The following XKR6 variants were observed in gnomAD, a reference collection of about 807,000 sequenced individuals.
The protein encoded by XKR6 is XK related 6, also known as XK-related protein 6.
Under a neutral mutation model 56.7 loss-of-function variants are expected in XKR6, and 22 were observed. The observed-to-expected ratio is 0.39, with a 90% confidence interval of 0.28 to 0.55. XKR6 has a LOEUF of 0.55. Among genes scored for constraint, XKR6 ranks in the 20% least tolerant of loss-of-function variants. The probability of loss-of-function intolerance (pLI) is 0.66; values close to 1 mark genes in which losing one functional copy is unlikely to be tolerated. For synonymous variants in XKR6, 524 were observed against 387.8 expected (o/e 1.35, Z -4.13); for missense variants, 852 against 889.0 (o/e 0.96, Z 0.53).
At chr8:11,123,695 T>C (rs1261502814) in intron 1 of XKR6, 1 of 363,132 alleles carries the variant, frequency 2.8e-6, no homozygotes, top group African/African-American at 2.1e-5. Flanking sequence ...CTATATTTCA[T>C]ATTTTTCAAG....
At chr8:11,094,574 G>A (rs1460705380) in intron 1 of XKR6, among the ~76,000 whole-genome samples, 1 of 152,106 alleles carries the variant, frequency 6.6e-6, no homozygotes, top group East Asian at 1.9e-4. Flanking sequence ...GACTTCTCCT[G>A]GGAACCCTCT....
intron 1 of XKR6, among the ~76,000 whole-genome samples, chr8:11,176,483 T>C (rs1802661616): frequency 6.6e-6 from 1 of 152,186 alleles, no homozygotes; most frequent in Non-Finnish European, 1.5e-5. Flanking sequence ...TTAACTGGTG[T>C]TTTTATTAAA....
intron 1 of XKR6, among the ~76,000 whole-genome samples, chr8:10,986,350 T>C (rs1797863864): frequency 6.6e-6 from 1 of 152,228 alleles, no homozygotes; most frequent in Non-Finnish European, 1.5e-5. Context: ...AATATCTTTA[T>C]AATCTCATCA....
chr8:11,070,215 T>C lies in XKR6; in HGVS notation c.764+130361A>G, dbSNP rs150072039. Among the ~76,000 whole-genome samples, 490 of 152,294 alleles carry C rather than the reference T, an allele frequency of 3.2e-3. 2 individuals are homozygous for C. Among genetic ancestry groups the C allele is most frequent in the African/African-American group, 0.011 (463 of 41,558 alleles). ...TAGTCTCCAGGACTGTCACTACTCA[T>C]GTATTTGCCCTGCGTCTTGGTTTAT... On this transcript the variant is annotated intron_variant, in intron 1 of 2. Transcript: ENST00000416569.
At chr8:11,115,334 T>C (rs1161142090) in intron 1 of XKR6, among the ~76,000 whole-genome samples, 1 of 152,218 alleles carries the variant, frequency 6.6e-6, no homozygotes, top group East Asian at 1.9e-4. Flanking sequence ...TTTTGAAAGG[T>C]TAAATCTGCC....
At chr8:11,196,071 T>C (rs553816875) in intron 1 of XKR6, among the ~76,000 whole-genome samples, 2 of 151,916 alleles carry the variant, frequency 1.3e-5, no homozygotes, top group Non-Finnish European at 2.9e-5. Context: ...AAGTATACAA[T>C]CTATTAATGT....
At chr8:11,000,290 A>G (rs1798208295) in intron 1 of XKR6, among the ~76,000 whole-genome samples, 1 of 152,180 alleles carries the variant, frequency 6.6e-6, no homozygotes, top group Non-Finnish European at 1.5e-5. Context: ...TCTAGTGAGG[A>G]AACAGTTTGC....
chr8:10,987,684 C>T (rs981208682), intron 1 of XKR6, among the ~76,000 whole-genome samples: 10 of 152,232 alleles, frequency 6.6e-5, no homozygotes, highest in African/African-American at 2.4e-4. Flanking sequence ...AAAGCCCTAC[C>T]ATGACTTCCC....
intron 2 of XKR6, among the ~76,000 whole-genome samples, chr8:10,903,326 G>A (rs533430061): frequency 6.6e-6 from 1 of 152,320 alleles, no homozygotes; most frequent in South Asian, 2.1e-4. Context: ...AGGACAGCCT[G>A]TGAATTCTGG....
chr8:11,104,408 C>G (rs866145028), intron 1 of XKR6, among the ~76,000 whole-genome samples: 2 of 152,212 alleles, frequency 1.3e-5, no homozygotes, highest in Middle Eastern at 3.2e-3. Flanking sequence ...GCCCTTGGCA[C>G]AGTGATTGGC....
chr8:11,115,965 TTAAAG>T (rs1377948770), intron 1 of XKR6, among the ~76,000 whole-genome samples: 1 of 152,244 alleles, frequency 6.6e-6, no homozygotes, highest in Non-Finnish European at 1.5e-5. Context: ...AGAAAATACT[TTAAAG>T]TAATATACTG....
At chr8:11,164,219 C>G (rs1380072438) in intron 1 of XKR6, among the ~76,000 whole-genome samples, 1 of 152,210 alleles carries the variant, frequency 6.6e-6, no homozygotes, top group Admixed American at 6.5e-5. Context: ...GAAAGTGCCT[C>G]AAGCAGAGCC....
chr8:10,915,044 C>T (rs1445909589), intron 2 of XKR6, among the ~76,000 whole-genome samples: 1 of 152,260 alleles, frequency 6.6e-6, no homozygotes, highest in African/African-American at 2.4e-5. Context: ...CAATAGAGAG[C>T]TGCATAATAG....
intron 2 of XKR6, among the ~76,000 whole-genome samples, chr8:10,917,658 C>A (rs959054408): frequency 6.6e-6 from 1 of 152,134 alleles, no homozygotes; most frequent in African/African-American, 2.4e-5. Context: ...CAGAGGATAT[C>A]TGAGGGCACC....
chr8:10,953,400 C>A (rs1801787282), intron 1 of XKR6, among the ~76,000 whole-genome samples: 1 of 152,150 alleles, frequency 6.6e-6, no homozygotes, highest in African/African-American at 2.4e-5. Context: ...CCTTGGCCTT[C>A]CACCATGACT....
chr8:11,129,007 C>T, intron 1 of XKR6: 1 of 456,292 alleles, frequency 2.2e-6, no homozygotes, highest in Non-Finnish European at 4.4e-6. Context: ...CTCTTGTTAA[C>T]TGAGGTGAAA....
intron 2 of XKR6, among the ~76,000 whole-genome samples, chr8:10,911,550 T>A (rs4496928): frequency 6.9e-6 from 1 of 145,940 alleles, no homozygotes; most frequent in Non-Finnish European, 1.5e-5. Flanking sequence ...TATATATATA[T>A]AGAGAGAATA....
At chr8:11,119,771 G>A (rs1046591316) in intron 1 of XKR6, among the ~76,000 whole-genome samples, 14 of 151,996 alleles carry the variant, frequency 9.2e-5, no homozygotes, top group African/African-American at 2.2e-4. Flanking sequence ...GATGAACATT[G>A]ATGCAAAAAT....
chr8:11,027,685 G>A (rs4841481), intron 1 of XKR6, among the ~76,000 whole-genome samples: 13 of 152,318 alleles, frequency 8.5e-5, no homozygotes, highest in Middle Eastern at 6.8e-3. Flanking sequence ...AGACAACCAC[G>A]TCTACTGGCA....
Sources: gnomAD v4.1 joint callset for allele counts (sites outside exome capture counted in the v4.1 genomes callset) on GRCh38, gnomAD v4.1.1 for gene constraint, MANE v1.5 for transcripts, NCBI Gene and HGNC (gene_info 2026-07-23, HGNC 2026-07-21) for gene names.